The following ADGRG4 variants were observed in gnomAD, a reference collection of about 807,000 sequenced individuals.
ADGRG4 encodes the protein adhesion G protein-coupled receptor G4, also known as G protein-coupled receptor 112.
ADGRG4 carries 122 observed loss-of-function variants against 126.2 expected under a neutral mutation model. The observed-to-expected ratio is 0.97, with a 90% confidence interval of 0.83 to 1.12. The LOEUF is 1.12. ADGRG4 is among the 50% of genes most tolerant of loss of function. The pLI is 0.00. For synonymous variants in ADGRG4, 943 were observed against 838.7 expected, an observed-to-expected ratio of 1.12 and a Z score of -2.15; for missense variants, 2,481 against 2,251.8, an observed-to-expected ratio of 1.10 and a Z score of -2.06.
chrX:136,311,394 TACACACACACAC>T (rs72201867), intron 4 of ADGRG4, among the ~76,000 whole-genome samples: 10 of 95,640 alleles, frequency 1.0e-4, no homozygotes, highest in Admixed American at 8.2e-4. Flanking sequence ...TCATACCATG[TACACACACACAC>T]ACACACACAC....
intron 5 of ADGRG4, among the ~76,000 whole-genome samples, chrX:136,334,335 T>G (rs1255453011): frequency 9.0e-6 from 1 of 111,635 alleles, no homozygotes; most frequent in East Asian, 2.8e-4. Flanking sequence ...AATACCACAC[T>G]ATTTTGATTG....
chrX:136,397,897 C>G lies in ADGRG4; in HGVS notation c.8201C>G (p.Thr2734Arg), dbSNP rs2075359277. The change falls in exon 20 of 26, where the codon ACA becomes AGA. Residue 2734 changes from threonine to arginine, a missense_variant. Thr to Arg is a moderately conservative substitution (Grantham distance 71). Transcript: ENST00000394143. ...FGVLMDLSRS[T>R]VDSVNEQILA... ...GTTCCTTAGGATTTATCCAGGTCTA[C>G]AGTGGATTCAGTGAATGAACAGATA... The G allele has an allele frequency of 4.2e-6, 5 of 1,199,526 alleles. No homozygotes were observed. Among genetic ancestry groups the G allele is most frequent in the African/African-American group, 1.8e-5 (1 of 57,056 alleles).
intron 5 of ADGRG4, among the ~76,000 whole-genome samples, chrX:136,335,477 A>G (rs1480962287): frequency 9.0e-6 from 1 of 110,854 alleles, no homozygotes; most frequent in Non-Finnish European, 1.9e-5. Context: ...AGCAAACTCC[A>G]GTGAAATCAT....
rs151024716 is a variant in ADGRG4, at chrX:136,348,653, A to G, written c.4947A>G (p.Thr1649=). ...CACCTACGACCTTTCTCTCTCCAAC[A>G]GAGCCAACTTTGCCCTTTGTAAAAA... The part of the protein sequence containing the change: ...RITPTTFLSP[T]EPTLPFVKTV... The change falls in exon 6 of 26, where the codon ACA becomes ACG. Residue 1649 remains threonine, a synonymous_variant. Transcript: ENST00000394143. The G allele has an allele frequency of 3.4e-4, 411 of 1,207,928 alleles. No individual in the cohort carries two copies. The highest frequency in any genetic ancestry group is 4.3e-4 in the Non-Finnish European group (386 of 894,408).
Position 136,395,419 on chromosome X carries a change from T to G in ADGRG4, c.8110T>G (p.Cys2704Gly), listed in dbSNP as rs779537153. The G allele has an allele frequency of 5.0e-6, 6 of 1,203,803 alleles. No homozygotes were observed. Among genetic ancestry groups the G allele is most frequent in the Non-Finnish European group, 6.8e-6 (6 of 888,612 alleles). ...NGLGGWNSSGCKVKETNVNYT... is the reference protein window; with the variant it reads ...NGLGGWNSSGGKVKETNVNYT... ...GCTGGGTGGATGGAATTCGTCAGGC[T>G]GTAAAGTAAAGGAAACAAATGTAAA... Residue 2704 changes from cysteine to glycine, a missense_variant, in exon 19 of 26, where the codon TGT (cysteine) becomes GGT (glycine). Transcript: ENST00000394143.
rs768868973 is a variant in ADGRG4, at chrX:136,372,874, G to C, written c.7614-28G>C. The stretch of plus-strand genomic sequence containing the variant: ...GGGTTTTACTTTTAAAAGGTAGGAT[G>C]CTCTTCTCCATCTGTGGTTTCTTGC... On this transcript the variant is annotated intron_variant, in intron 14 of 25. Transcript: ENST00000394143. 8.3e-6 allele frequency: 10 copies of C among 1,201,193 alleles called. No individual in the cohort carries two copies. The Admixed American group carries it at 8.7e-5, about 10-fold the overall frequency.
chrX:136,338,289 C>T (rs1270202495), intron 5 of ADGRG4, among the ~76,000 whole-genome samples: 2 of 109,918 alleles, frequency 1.8e-5, no homozygotes, highest in Admixed American at 1.9e-4. Context: ...TCCTGAGTAT[C>T]TGGCACTCAA....
intron 11 of ADGRG4, among the ~76,000 whole-genome samples, chrX:136,359,841 A>G: frequency 8.9e-6 from 1 of 111,923 alleles, no homozygotes; most frequent in Non-Finnish European, 1.9e-5. Context: ...CATCTTGGCA[A>G]GTGATCAGGG....
rs1393446094 is a variant in ADGRG4, at chrX:136,346,182, G to A, written c.2476G>A (p.Val826Ile). ...TGTATTTGGAGGTACAACGACCCCTGTACCAAAGTCAGCAACAACACAAAG... is the reference window on the plus strand; with the variant it reads ...TGTATTTGGAGGTACAACGACCCCTATACCAAAGTCAGCAACAACACAAAG... ...AIVFGGTTTP[V>I]PKSATTQRLN... The change falls in exon 6 of 26, where the codon GTA (valine) becomes ATA (isoleucine). Residue 826 changes from valine to isoleucine, a missense_variant. Physicochemically the swap from Val to Ile is conservative, Grantham distance 29. Coordinates refer to ENST00000394143, the MANE Select transcript of ADGRG4 (RefSeq NM_153834.4). 1.3e-5 allele frequency: 16 copies of A among 1,207,231 alleles called. No individual in the cohort carries two copies. The highest frequency in any genetic ancestry group is 1.7e-5 in the Non-Finnish European group (15 of 894,034).
chrX:136,357,430 T>A lies in ADGRG4; in HGVS notation c.6928-274T>A, dbSNP rs73637912. On this transcript the variant is annotated intron_variant, in intron 9 of 25. Coordinates refer to ENST00000394143, the MANE Select transcript of ADGRG4 (RefSeq NM_153834.4). ...CTTAGATTCTGCTCCTAGTTCTGTG[T>A]CTTGTCAACTGTGTGATACTGGGCA... Among the ~76,000 whole-genome samples the A allele has an allele frequency of 6.0e-3, 670 of 112,251 alleles. 6 individuals carry two copies. The highest frequency in any genetic ancestry group is 0.021 in the African/African-American group (638 of 30,921).
chrX:136,347,702 C>G lies in ADGRG4; in HGVS notation c.3996C>G (p.Pro1332=). The change falls in exon 6 of 26, where the codon CCC becomes CCG. Residue 1332 remains proline (P), a synonymous_variant. Transcript: ENST00000394143. The stretch of plus-strand genomic sequence containing the variant: ...CTGATGGAAATTTGGCTTCATCTCC[C>G]ACTTCTGGAAGCACACAGATTACAC... ...TPSDGNLASS[P]TSGSTQITPT... 1.7e-6 allele frequency: 2 copies of G among 1,209,488 alleles called. No homozygotes were observed. The highest frequency in any genetic ancestry group is 3.5e-5 in the South Asian group (2 of 56,884).
At chrX:136,313,683 C>G (rs2074787807) in intron 4 of ADGRG4, among the ~76,000 whole-genome samples, 1 of 111,801 alleles carries the variant, frequency 8.9e-6, no homozygotes, top group South Asian at 3.7e-4. Context: ...TACAAATTTC[C>G]TTCAACAGTA....
intron 16 of ADGRG4, among the ~76,000 whole-genome samples, chrX:136,391,399 G>A (rs1466686931): frequency 9.0e-6 from 1 of 111,489 alleles, no homozygotes; most frequent in East Asian, 2.8e-4. Flanking sequence ...GGGTACTTTG[G>A]CACTGTTAGT....
intron 8 of ADGRG4, among the ~76,000 whole-genome samples, chrX:136,354,531 C>T (rs2075081913): frequency 9.0e-6 from 1 of 111,287 alleles, no homozygotes; most frequent in African/African-American, 3.3e-5. Context: ...GGGATTTTCC[C>T]CCAACACACC....
chrX:136,332,017 T>A (rs2074914250), intron 5 of ADGRG4, among the ~76,000 whole-genome samples: 1 of 109,349 alleles, frequency 9.1e-6, no homozygotes, highest in African/African-American at 3.3e-5. Context: ...TTATTTTTTT[T>A]ATTATACTTT....
intron 5 of ADGRG4, among the ~76,000 whole-genome samples, chrX:136,328,086 A>G (rs1263512512): frequency 1.8e-5 from 2 of 111,488 alleles, no homozygotes; most frequent in Non-Finnish European, 3.8e-5. Flanking sequence ...GTTCATCATT[A>G]TATGCATCCT....
In ADGRG4 at chrX:136,347,494, T is replaced by C; in HGVS notation, c.3788T>C (p.Ile1263Thr). The change falls in exon 6 of 26, where the codon ATA becomes ACA. Residue 1263 changes from isoleucine to threonine, a missense_variant. Physicochemically the swap from Ile to Thr is moderately conservative, Grantham distance 89. Coordinates refer to ENST00000394143, the MANE Select transcript of ADGRG4 (RefSeq NM_153834.4). ...TCTTCCGACAAAGACCAGATGACCA[T>C]ATCCCTGGGAAAAACCCCTAGAACT... ...VLSSDKDQMT[I>T]SLGKTPRTME... 4 of 1,209,505 alleles carry C rather than the reference T, an allele frequency of 3.3e-6. No homozygotes were observed. The highest frequency in any genetic ancestry group is 4.5e-6 in the Non-Finnish European group (4 of 893,834).
intron 15 of ADGRG4, among the ~76,000 whole-genome samples, chrX:136,383,870 CT>C (rs2075278093): frequency 2.7e-5 from 2 of 73,809 alleles, no homozygotes; most frequent in African/African-American, 1.1e-4. Flanking sequence ...TTCTTTCTTT[CT>C]TTCTTCTTTC....
chrX:136,378,054 A>G (rs1467769458), intron 15 of ADGRG4, among the ~76,000 whole-genome samples: 1 of 111,160 alleles, frequency 9.0e-6, no homozygotes, highest in African/African-American at 3.3e-5. Context: ...AGTTGAAGTT[A>G]TTGGTCAATT....
Sources: gnomAD v4.1 joint callset for allele counts (sites outside exome capture counted in the v4.1 genomes callset) on GRCh38, gnomAD v4.1.1 for gene constraint, MANE v1.5 for transcripts, NCBI Gene and HGNC (gene_info 2026-07-23, HGNC 2026-07-21) for gene names.